NFASC: variants seen among roughly 807,000 people sequenced by gnomAD.
The protein encoded by NFASC is neurofascin homolog.
NFASC carries 43 observed loss-of-function variants against 147.5 expected under a neutral mutation model. The observed-to-expected ratio is 0.29, with a 90% CI of 0.23 to 0.38. NFASC has a LOEUF of 0.38. Among genes scored for constraint, NFASC ranks in the 10% least tolerant of loss-of-function variants. The probability of loss-of-function intolerance (pLI) is 1.00; values close to 1 mark genes in which losing one functional copy is unlikely to be tolerated. For missense variants in NFASC, 1,320 were observed against 1,689.0 expected (o/e 0.78, Z 3.83); for synonymous variants, 622 against 665.5 (o/e 0.93, Z 1.01).
In NFASC at chr1:204,974,649, G is replaced by C; in HGVS notation, c.1392-8G>C. 1 of 1,614,196 alleles carries C rather than the reference G, an allele frequency of 6.2e-7. No individual in the cohort carries two copies. Among genetic ancestry groups the C allele is most frequent in the Non-Finnish European group, 8.5e-7 (1 of 1,180,024 alleles). On this transcript the variant is annotated splice_polypyrimidine_tract_variant and splice_region_variant and intron_variant, in intron 13 of 29. Coordinates refer to ENST00000339876, the MANE Select transcript of NFASC (RefSeq NM_001005388.3). ...AGGATGCTGTGTGTTCTGCTGCTCT[G>C]TTGTGAGGTTTAAGAATGGGCAAGG...
chr1:204,894,028 C>A (rs568679105), intron 1 of NFASC, among the ~76,000 whole-genome samples: 1 of 152,270 alleles, frequency 6.6e-6, no homozygotes, highest in African/African-American at 2.4e-5. Context: ...AGGACCCAGG[C>A]TTTTTTTGCC....
chr1:204,927,819 T>G (rs895286904), intron 2 of NFASC, among the ~76,000 whole-genome samples: 2 of 151,088 alleles, frequency 1.3e-5, no homozygotes, highest in African/African-American at 2.4e-5. Context: ...CGGGAGGGGG[T>G]GGGGTAACTT....
Position 205,016,140 on chromosome 1 carries a change from C to T in NFASC, c.3492-168C>T, listed in dbSNP as rs2096357358. 6.6e-6 allele frequency among the ~76,000 whole-genome samples: 1 copy of T among 152,216 alleles called. No individual in the cohort carries two copies. The highest frequency in any genetic ancestry group is 6.5e-5 in the Admixed American group (1 of 15,288). On this transcript the variant is annotated intron_variant, in intron 29 of 29. Coordinates refer to ENST00000339876, the MANE Select transcript of NFASC (RefSeq NM_001005388.3). The surrounding 1 kb of genome is among the most constrained non-coding windows in gnomAD (Gnocchi z 5.1). ...AGAGAAGGTGCTTGTCCTCTCTAGG[C>T]CTCCATTTCCCTTCTGCAAAGCAGG...
chr1:204,892,339 T>C (rs915235814), intron 1 of NFASC, among the ~76,000 whole-genome samples: 1 of 152,216 alleles, frequency 6.6e-6, no homozygotes, highest in African/African-American at 2.4e-5. Flanking sequence ...ACCCCAAAAC[T>C]TAGTGGCTTA....
intron 1 of NFASC, among the ~76,000 whole-genome samples, chr1:204,895,164 A>G (rs2083154478): frequency 1.3e-5 from 2 of 152,072 alleles, no homozygotes; most frequent in African/African-American, 4.8e-5. Context: ...TCTCCATCCA[A>G]ACTGGTATCC....
chr1:204,944,092 T>G, intron 2 of NFASC, 134 bp from the exon 3 acceptor site: 1 of 760,512 alleles, frequency 1.3e-6, no homozygotes, highest in Non-Finnish European at 2.1e-6. Flanking sequence ...GTGTTGAGGT[T>G]AAGAAACTCT....
intron 1 of NFASC, among the ~76,000 whole-genome samples, chr1:204,832,956 A>G (rs1326140038): frequency 1.3e-5 from 2 of 152,234 alleles, no homozygotes; most frequent in East Asian, 3.9e-4. Context: ...TCTAGCTGCA[A>G]GGGCCCAGGC....
intron 1 of NFASC, among the ~76,000 whole-genome samples, chr1:204,864,440 G>A (rs1224774220): frequency 6.6e-6 from 1 of 152,180 alleles, no homozygotes; most frequent in Non-Finnish European, 1.5e-5. Flanking sequence ...GAAACTACCA[G>A]ACTGTTTTCC....
intron 1 of NFASC, among the ~76,000 whole-genome samples, chr1:204,830,855 T>C (rs554395166): frequency 1.6e-4 from 24 of 152,312 alleles, no homozygotes; most frequent in African/African-American, 5.8e-4. Flanking sequence ...TCTGCAAGGC[T>C]TTCACTTTAG....
chr1:204,901,551 G>T (rs1013989660), intron 1 of NFASC, among the ~76,000 whole-genome samples: 3 of 152,134 alleles, frequency 2.0e-5, no homozygotes, highest in African/African-American at 7.2e-5. Flanking sequence ...GACAAAATTT[G>T]ATTGAGTTGT....
chr1:205,015,250 C>T lies in NFASC; in HGVS notation c.3492-1058C>T, dbSNP rs2096331173. 6.6e-6 allele frequency among the ~76,000 whole-genome samples: 1 copy of T among 152,166 alleles called. No homozygotes were observed. Among genetic ancestry groups the T allele is most frequent in the Admixed American group, 6.5e-5 (1 of 15,282 alleles). On this transcript the variant is annotated intron_variant, in intron 29 of 29. Transcript: ENST00000339876. The surrounding 1 kb of genome is among the most constrained non-coding windows in gnomAD (Gnocchi z 4.0). ...CAAGGCAGTGTGTGGTGTGTGTCTGCTCAGACCGCCTGGCACCGCTATGGT... is the reference window on the plus strand; with the variant it reads ...CAAGGCAGTGTGTGGTGTGTGTCTGTTCAGACCGCCTGGCACCGCTATGGT...
At chr1:204,999,785 A>G (rs938917898) in intron 25 of NFASC, 9 of 152,248 alleles carry the variant, frequency 5.9e-5, no homozygotes, top group Non-Finnish European at 8.8e-5. Context: ...CTGCAGGCTC[A>G]GTCACATGTC....
At chr1:204,994,927 C>T (rs1370689181) in intron 24 of NFASC, among the ~76,000 whole-genome samples, 2 of 151,716 alleles carry the variant, frequency 1.3e-5, no homozygotes, top group Admixed American at 1.3e-4. Context: ...AGCCTGGGTT[C>T]CATGACAAAA....
intron 11 of NFASC, among the ~76,000 whole-genome samples, chr1:204,972,081 G>A (rs998025485): frequency 6.6e-6 from 1 of 152,188 alleles, no homozygotes; most frequent in Non-Finnish European, 1.5e-5. Flanking sequence ...TCACTGAGTG[G>A]GGACCCGGGC....
In NFASC at chr1:205,010,910, GA is replaced by G. The variant is rs34809458; in HGVS notation, c.3421+1237del. 5.1e-3 allele frequency: 697 copies of G among 137,038 alleles called. 3 individuals are homozygous for G. The highest frequency in any genetic ancestry group is 0.014 in the African/African-American group (510 of 36,288). The allele number at this position is 137,038 out of a possible 1,614,324, so 8.5% of individuals were successfully genotyped here. ...AGAGCAAGACTCCGTCTCAAAAAAG[GA>G]AAAAAAAAAAAAAAGATCCTGCAGC... On this transcript the variant is annotated intron_variant, in intron 28 of 29. Transcript: ENST00000339876. This position sits in a 1 kb window ranked among gnomAD's most constrained non-coding sequence, Gnocchi z 4.1.
At position 204,973,249 on chromosome 1, in the gene NFASC, T is replaced by C. The variant is rs187522864; in HGVS notation, c.1136-27T>C. On this transcript the variant is annotated intron_variant, in intron 11 of 29. Coordinates refer to ENST00000339876, the MANE Select transcript of NFASC (RefSeq NM_001005388.3). ...TTCACCCTGCCCTCCCCATCTCTCA[T>C]GAGGAGCGTCTCTTTCTTGTCTGTA... 2.9e-4 allele frequency: 475 copies of C among 1,613,150 alleles called. 2 individuals are homozygous for C. In the East Asian group the frequency reaches 0.01, roughly 35 times the overall value.
chr1:204,960,399 A>C (rs2094606926), intron 8 of NFASC, among the ~76,000 whole-genome samples: 1 of 152,228 alleles, frequency 6.6e-6, no homozygotes, highest in South Asian at 2.1e-4. Flanking sequence ...ATGCTGTAAC[A>C]GGTGCTGGGT....
intron 3 of NFASC, 50 bp downstream of exon 3, chr1:204,944,456 G>GCTGT: frequency 8.5e-7 from 1 of 1,175,548 alleles, no homozygotes; most frequent in Non-Finnish European, 1.2e-6. Context: ...TTTGGGCAGA[G>GCTGT]GGGTGGGAGG....
intron 8 of NFASC, among the ~76,000 whole-genome samples, chr1:204,965,380 G>T (rs148488232): frequency 0.02 from 3,005 of 152,250 alleles, 92 homozygotes; most frequent in African/African-American, 0.067. Flanking sequence ...ACCAGCTCTA[G>T]TATCCTTCCT....
Sources: allele counts gnomAD v4.1 joint callset (sites outside exome capture counted in the v4.1 genomes callset), GRCh38; gene constraint gnomAD v4.1.1; non-coding constraint Gnocchi (gnomAD v3.1); transcripts MANE v1.5; gene names NCBI Gene and HGNC (gene_info 2026-07-23, HGNC 2026-07-21).